The following FGD3 variants were observed in gnomAD, a reference collection of about 807,000 sequenced individuals.
FGD3 encodes the protein FYVE, RhoGEF and PH domain containing 3, also known as FYVE, RhoGEF and PH domain-containing protein 3.
In FGD3, 45 loss-of-function variants were observed where a neutral mutation model predicts 71.8. The ratio of observed to expected loss-of-function variants is 0.63; its 90% CI spans 0.49 to 0.80. FGD3 has a LOEUF of 0.80. Among genes scored for constraint, FGD3 ranks in the 30% least tolerant of loss-of-function variants. FGD3 has a pLI of 0.00. For synonymous variants in FGD3, 378 were observed against 392.8 expected, an observed-to-expected ratio of 0.96 and a Z score of 0.44; for missense variants, 844 against 951.5, an observed-to-expected ratio of 0.89 and a Z score of 1.49.
chr9:92,993,104 G>C (rs1251847296), intron 3 of FGD3, among the ~76,000 whole-genome samples: 2 of 152,090 alleles, frequency 1.3e-5, no homozygotes, highest in African/African-American at 4.8e-5. Context: ...AGGAATGCCA[G>C]GTGTTTCTAG....
chr9:93,020,557 G>A (rs779311303), intron 13 of FGD3, 133 bp downstream of exon 13: 29 of 682,784 alleles, frequency 4.2e-5, no homozygotes, highest in East Asian at 1.6e-4. Context: ...CCAGGACAGC[G>A]GGCACTCCCT....
intron 1 of FGD3, among the ~76,000 whole-genome samples, chr9:92,972,856 T>G (rs955478419): frequency 6.6e-6 from 1 of 152,180 alleles, no homozygotes; most frequent in Admixed American, 6.5e-5. Flanking sequence ...TCTTCTGCAA[T>G]GTCTAATTGG....
At position 92,969,925 on chromosome 9, in the gene FGD3, G is replaced by A. The variant is rs377265564; in HGVS notation, c.-217-5313G>A. Among the ~76,000 whole-genome samples the A allele has an allele frequency of 1.4e-4, 21 of 152,212 alleles. No homozygotes were observed. Among genetic ancestry groups the A allele is most frequent in the African/African-American group, 4.6e-4 (19 of 41,442 alleles). ...TTTCTTCAGGTTTGTGGATTTCCTCGTGCTACAAGGTGGCAGCCCTGAGTG... is the reference window on the plus strand; with the variant it reads ...TTTCTTCAGGTTTGTGGATTTCCTCATGCTACAAGGTGGCAGCCCTGAGTG... On this transcript the variant is annotated intron_variant, in intron 1 of 17. Transcript: ENST00000375482. This position sits in a 1 kb window ranked among gnomAD's most constrained non-coding sequence, Gnocchi z 4.5.
rs574487501 is a variant in FGD3 at position 92,984,158 on chromosome 9, G to T, written c.453+7449G>T. 3.9e-5 allele frequency among the ~76,000 whole-genome samples: 6 copies of T among 152,306 alleles called. No homozygotes were observed. In the East Asian group the frequency reaches 7.7e-4, roughly 20 times the overall value. On this transcript the variant is annotated intron_variant, in intron 3 of 17. Coordinates refer to ENST00000375482, the MANE Select transcript of FGD3 (RefSeq NM_001083536.2). ...TACCTAGCTGTAAAGCAGGCAAATT[G>T]TACAGTTAAGAGTCATGATCGCAGT...
rs768152156 is a variant in FGD3, at chr9:93,010,312, C to G, written c.904C>G (p.Arg302Gly). Residue 302 changes from arginine to glycine, a missense_variant, in exon 7 of 18, where the codon CGG (arginine) becomes GGG (glycine). Physicochemically the swap from Arg to Gly is moderately radical, Grantham distance 125 (BLOSUM62 -2). Coordinates refer to ENST00000375482, the MANE Select transcript of FGD3 (RefSeq NM_001083536.2). ...GCTGGAGCCCGTGCAGAGGGTCCCC[C>G]GGTACGAGCTGCTGCTCAAGGACTA... The part of the protein sequence containing the change: ...HMLEPVQRVP[R>G]YELLLKDYLK... 1 of 1,613,430 alleles carries G rather than the reference C, an allele frequency of 6.2e-7. No homozygotes were observed. Among genetic ancestry groups the G allele is most frequent in the Admixed American group, 1.7e-5 (1 of 59,974 alleles).
intron 1 of FGD3, among the ~76,000 whole-genome samples, chr9:92,961,881 A>T (rs1859173261): frequency 6.6e-6 from 1 of 152,214 alleles, no homozygotes; most frequent in Non-Finnish European, 1.5e-5. Context: ...ACAGTGAGTG[A>T]TTCAGCAAGG....
intron 15 of FGD3, among the ~76,000 whole-genome samples, chr9:93,031,979 G>A (rs111585554): frequency 7.2e-5 from 11 of 152,304 alleles, no homozygotes; most frequent in African/African-American, 2.6e-4. Context: ...AGTGTCCAGG[G>A]TAGGAAAAGC....
intron 1 of FGD3, among the ~76,000 whole-genome samples, chr9:92,962,939 CAA>C (rs982916623): frequency 1.1e-4 from 12 of 106,006 alleles, no homozygotes; most frequent in Non-Finnish European, 1.4e-4. Flanking sequence ...GGCTCCGTCT[CAA>C]AAAAAAAAAA....
intron 6 of FGD3, among the ~76,000 whole-genome samples, chr9:93,009,837 C>A (rs558519286): frequency 7.2e-5 from 11 of 152,324 alleles, no homozygotes; most frequent in Admixed American, 7.2e-4. Context: ...TGGCCCGATA[C>A]CCAGTGGGGA....
chr9:93,030,841 C>T (rs1019633089), intron 15 of FGD3, among the ~76,000 whole-genome samples: 7 of 150,128 alleles, frequency 4.7e-5, no homozygotes, highest in South Asian at 4.2e-4. Context: ...TAGATGGATG[C>T]GTGGATGGAT....
chr9:92,989,168 A>G (rs928279218), intron 3 of FGD3, among the ~76,000 whole-genome samples: 1 of 151,826 alleles, frequency 6.6e-6, no homozygotes, highest in Non-Finnish European at 1.5e-5. Context: ...CTCCTGCCTC[A>G]GCCTCCTGAG....
intron 3 of FGD3, among the ~76,000 whole-genome samples, chr9:92,990,063 T>C (rs1860347783): frequency 6.6e-6 from 1 of 152,206 alleles, no homozygotes; most frequent in Non-Finnish European, 1.5e-5. Flanking sequence ...GTTCGTATAT[T>C]GATTTTGTGC....
Position 93,035,723 on chromosome 9 carries a change from T to A in FGD3, c.*134T>A. 7.6e-7 allele frequency: 1 copy of A among 1,311,002 alleles called. No individual in the cohort carries two copies. Among genetic ancestry groups the A allele is most frequent in the Non-Finnish European group, 1.0e-6 (1 of 996,342 alleles). 81.2% of individuals were successfully genotyped at this position (1,311,002 alleles called of 1,614,324 possible). On this transcript the variant is annotated 3_prime_UTR_variant, in exon 18 of 18. Transcript: ENST00000375482. The stretch of plus-strand genomic sequence containing the variant: ...CAGCCCAGAGCTCAGGACACTTGGC[T>A]TTGGGGGGAAGGAAACTGAGGCCCA...
chr9:93,021,081 G>A (rs746033210), intron 13 of FGD3, among the ~76,000 whole-genome samples: 4 of 152,360 alleles, frequency 2.6e-5, no homozygotes, highest in Non-Finnish European at 5.9e-5. Flanking sequence ...ATGGGTGGTG[G>A]AACTGGCATC....
At position 92,976,434 on chromosome 9, in the gene FGD3, G is replaced by C; in HGVS notation, c.178G>C (p.Gly60Arg). The C allele has an allele frequency of 6.2e-7, 1 of 1,611,770 alleles. No individual in the cohort carries two copies. The highest frequency in any genetic ancestry group is 8.5e-7 in the Non-Finnish European group (1 of 1,179,360). The change falls in exon 3 of 18, where the codon GGC becomes CGC. Residue 60 changes from glycine (G) to arginine (R), a missense_variant. By Grantham distance (125) the Gly-to-Arg change is moderately radical. Transcript: ENST00000375482. ...AAAGDGSPDI[G>R]PTGELSGSLK... ...AGCAGGGGACGGCTCTCCAGACATA[G>C]GCCCCACGGGAGAGCTGAGTGGTAG...
chr9:93,011,680 A>G (rs1353658116), intron 8 of FGD3, among the ~76,000 whole-genome samples: 1 of 151,106 alleles, frequency 6.6e-6, no homozygotes, highest in African/African-American at 2.4e-5. Context: ...ATATGGTGAA[A>G]CCCCGTCTCT....
chr9:92,965,376 A>G (rs533198644), intron 1 of FGD3, among the ~76,000 whole-genome samples: 106 of 152,312 alleles, frequency 7.0e-4, no homozygotes, highest in Admixed American at 1.7e-3. Context: ...TGGGCCCCCC[A>G]GCCTGCAAAG....
At chr9:93,021,665 G>T (rs1587865130) in intron 13 of FGD3, among the ~76,000 whole-genome samples, 1 of 152,146 alleles carries the variant, frequency 6.6e-6, no homozygotes, top group Admixed American at 6.6e-5. Flanking sequence ...GACCCCGCAG[G>T]CCTGAATCCC....
intron 1 of FGD3, among the ~76,000 whole-genome samples, chr9:92,953,112 T>A (rs1325384429): frequency 6.6e-6 from 1 of 152,228 alleles, no homozygotes; most frequent in Non-Finnish European, 1.5e-5. Context: ...ATAACAATGC[T>A]GGAATTATCC....
Sources: gnomAD v4.1 joint callset for allele counts (sites outside exome capture counted in the v4.1 genomes callset) on GRCh38, gnomAD v4.1.1 for gene constraint, Gnocchi (gnomAD v3.1) non-coding constraint, MANE v1.5 for transcripts, NCBI Gene and HGNC (gene_info 2026-07-23, HGNC 2026-07-21) for gene names.